DNAAF9: variants seen among roughly 807,000 people sequenced by gnomAD.
DNAAF9 encodes the protein shulin.
In DNAAF9, 90 loss-of-function variants were observed where a neutral mutation model predicts 167.0. The observed-to-expected ratio is 0.54, with a 90% CI of 0.45 to 0.64. DNAAF9 has a LOEUF of 0.64. DNAAF9 is among the 30% of genes least tolerant of loss of function. The pLI, the probability that DNAAF9 is intolerant of heterozygous loss-of-function variation, is 0.00. For synonymous variants in DNAAF9, 491 were observed against 508.8 expected, an observed-to-expected ratio of 0.96 and a Z score of 0.47; for missense variants, 1,315 against 1,442.2, an observed-to-expected ratio of 0.91 and a Z score of 1.43.
At chr20:3,285,222 T>C (rs1043317373) in intron 27 of DNAAF9, among the ~76,000 whole-genome samples, 2 of 152,174 alleles carry the variant, frequency 1.3e-5, no homozygotes. Flanking sequence ...CTGTCCTATA[T>C]TACATGTTTC....
intron 29 of DNAAF9, among the ~76,000 whole-genome samples, chr20:3,271,104 C>T (rs1442398308): frequency 6.6e-6 from 1 of 152,098 alleles, no homozygotes; most frequent in Non-Finnish European, 1.5e-5. Flanking sequence ...TGAGCCATTG[C>T]ACCCGGCCTC....
At chr20:3,370,629 C>G (rs186054118) in intron 6 of DNAAF9, among the ~76,000 whole-genome samples, 1 of 152,118 alleles carries the variant, frequency 6.6e-6, no homozygotes, top group East Asian at 1.9e-4. Flanking sequence ...AGGACGGTCC[C>G]GATCTCTTGA....
rs532151960 is a variant in DNAAF9, at chr20:3,274,236, G to A, written c.2651-3674C>T. Among the ~76,000 whole-genome samples, 15 of 150,656 alleles carry A rather than the reference G, an allele frequency of 1.0e-4. No homozygotes were observed. The South Asian group carries it at 1.3e-3, about 13-fold the overall frequency. On this transcript the variant is annotated intron_variant, in intron 29 of 36. Coordinates refer to ENST00000252032, the MANE Select transcript of DNAAF9 (RefSeq NM_001009984.3). ...CGGCTGGTTGCAACCTCCATGTCCC[G>A]GGTTCAAGTGATTCTCCTGCCTCAT...
At chr20:3,306,407 G>A (rs540015122) in intron 20 of DNAAF9, among the ~76,000 whole-genome samples, 24 of 152,316 alleles carry the variant, frequency 1.6e-4, no homozygotes, top group African/African-American at 5.5e-4. Flanking sequence ...TCTTTGTTCT[G>A]TTAAAAGAAA....
In DNAAF9 at chr20:3,372,170, C is replaced by T. The variant is rs183159823; in HGVS notation, c.612+1878G>A. Reference sequence around the variant, plus strand: ...TTAAGTATAGCTCTCCTTTTCTTAGCCTGCAAAGGAGGCAAGAGCCTTTCT... The same window carrying T: ...TTAAGTATAGCTCTCCTTTTCTTAGTCTGCAAAGGAGGCAAGAGCCTTTCT... On this transcript the variant is annotated intron_variant, in intron 6 of 36. Coordinates refer to ENST00000252032, the MANE Select transcript of DNAAF9 (RefSeq NM_001009984.3). Among the ~76,000 whole-genome samples, 5 of 152,298 alleles carry T rather than the reference C, an allele frequency of 3.3e-5. 1 individual carries two copies. The East Asian group carries it at 9.6e-4, about 29-fold the overall frequency.
chr20:3,277,473 G>A (rs2068693324), intron 29 of DNAAF9, among the ~76,000 whole-genome samples: 1 of 152,030 alleles, frequency 6.6e-6, no homozygotes, highest in African/African-American at 2.4e-5. Flanking sequence ...TTCCAAATAC[G>A]TATCTTAGGA....
chr20:3,266,638 C>A (rs1049798062), intron 30 of DNAAF9, among the ~76,000 whole-genome samples: 3 of 151,320 alleles, frequency 2.0e-5, no homozygotes, highest in Admixed American at 1.3e-4. Flanking sequence ...CCACCATGCC[C>A]GGCTTATTTT....
chr20:3,328,331 G>A (rs2069754920), intron 12 of DNAAF9, among the ~76,000 whole-genome samples: 1 of 152,056 alleles, frequency 6.6e-6, no homozygotes, highest in Non-Finnish European at 1.5e-5. Context: ...ACAGGCGCCT[G>A]CCACCGTGCC....
intron 15 of DNAAF9, 114 bp from the exon 16 acceptor site, chr20:3,322,376 T>C (rs766945531): frequency 1.2e-6 from 1 of 859,330 alleles, no homozygotes; most frequent in Non-Finnish European, 2.0e-6. Context: ...GGATTGCTCT[T>C]AGGGCCTTTC....
At chr20:3,370,743 C>A (rs1317029109) in intron 6 of DNAAF9, among the ~76,000 whole-genome samples, 4 of 152,100 alleles carry the variant, frequency 2.6e-5, no homozygotes, top group Non-Finnish European at 5.9e-5. Flanking sequence ...TTTTTGTTGC[C>A]AGGCTGGTCT....
chr20:3,275,570 G>A (rs1205294586), intron 29 of DNAAF9, among the ~76,000 whole-genome samples: 1 of 152,166 alleles, frequency 6.6e-6, no homozygotes, highest in African/African-American at 2.4e-5. Flanking sequence ...TGCTTTATAG[G>A]GAAACAAGCA....
intron 23 of DNAAF9, chr20:3,295,608 AG>A (rs2122943327): frequency 9.6e-6 from 4 of 416,010 alleles, no homozygotes; most frequent in South Asian, 7.6e-5. Flanking sequence ...GGGGCAATCC[AG>A]GGGACTGAGA....
At chr20:3,325,022 A>T in intron 13 of DNAAF9, 54 bp from the exon 14 acceptor site, 2 of 972,766 alleles carry the variant, frequency 2.1e-6, no homozygotes, top group Non-Finnish European at 3.4e-6. Context: ...AAAAGTACAC[A>T]TATCACTGAT....
chr20:3,332,396 C>A, intron 10 of DNAAF9, 35 bp from the exon 11 acceptor site: 1 of 1,131,282 alleles, frequency 8.8e-7, no homozygotes, highest in Non-Finnish European at 1.3e-6. Flanking sequence ...TAAAAAGGGG[C>A]AATAACTTAG....
intron 20 of DNAAF9, among the ~76,000 whole-genome samples, chr20:3,314,513 G>A (rs932471507): frequency 6.6e-6 from 1 of 152,084 alleles, no homozygotes; most frequent in Non-Finnish European, 1.5e-5. Flanking sequence ...TCCTACAAGC[G>A]AAAGGAAACA....
chr20:3,323,864 C>A (rs1335707376), intron 14 of DNAAF9, among the ~76,000 whole-genome samples: 1 of 152,236 alleles, frequency 6.6e-6, no homozygotes, highest in African/African-American at 2.4e-5. Flanking sequence ...ATGTGCCCAA[C>A]TGCTTTACAA....
At chr20:3,287,289 G>C (rs1025260389) in intron 27 of DNAAF9, among the ~76,000 whole-genome samples, 10 of 152,196 alleles carry the variant, frequency 6.6e-5, no homozygotes, top group South Asian at 2.1e-4. Context: ...CAAGAGGGAG[G>C]ACTGAAACAG....
At chr20:3,343,872 TGC>T (rs1389627695) in intron 8 of DNAAF9, 141 bp from the exon 9 acceptor site, 212 of 555,892 alleles carry the variant, frequency 3.8e-4, no homozygotes, top group Non-Finnish European at 4.7e-4. Flanking sequence ...TGTGTGCATG[TGC>T]GTGTGTGTGA....
In DNAAF9 at chr20:3,332,306, A is replaced by T. The variant is rs201032908; in HGVS notation, c.1037T>A (p.Phe346Tyr). 4.4e-6 allele frequency: 7 copies of T among 1,604,522 alleles called. No homozygotes were observed. The African/African-American group carries it at 9.4e-5, about 21-fold the overall frequency. Residue 346 changes from phenylalanine (F) to tyrosine (Y), a missense_variant, in exon 11 of 37, where the codon TTT (phenylalanine) becomes TAT (tyrosine). Phe to Tyr is a conservative substitution (Grantham distance 22). Transcript: ENST00000252032. The part of the protein sequence containing the change: ...GPLACSRTYF[F>Y]GATHVPYLGG... Reference sequence around the variant, plus strand: ...CAAGTAAGGAACATGAGTAGCTCCAAAAAAGTATGTTCTCGAACAAGCAAG... The same window carrying T: ...CAAGTAAGGAACATGAGTAGCTCCATAAAAGTATGTTCTCGAACAAGCAAG...
Sources: allele counts gnomAD v4.1 joint callset (sites outside exome capture counted in the v4.1 genomes callset), GRCh38; gene constraint gnomAD v4.1.1; transcripts MANE v1.5; gene names NCBI Gene and HGNC (gene_info 2026-07-23, HGNC 2026-07-21).